NLGN4X: variants seen among roughly 807,000 people sequenced by gnomAD.
NLGN4X encodes the protein neuroligin 4 X-linked.
In NLGN4X, 3 loss-of-function variants were observed where a neutral mutation model predicts 40.3. That is an observed-to-expected ratio of 0.07 (90% CI 0.03 to 0.19). The LOEUF is 0.19. Among genes scored for constraint, NLGN4X ranks in the 10% least tolerant of loss-of-function variants. The probability of loss-of-function intolerance (pLI) is 1.00; values close to 1 mark genes in which losing one functional copy is unlikely to be tolerated. For missense variants in NLGN4X, 382 were observed against 708.3 expected (o/e 0.54, Z 5.23); for synonymous variants, 270 against 306.8 (o/e 0.88, Z 1.25).
chrX:6,210,218 C>A (rs938483702), intron 1 of NLGN4X, among the ~76,000 whole-genome samples: 1 of 101,972 alleles, frequency 9.8e-6, no homozygotes, highest in Non-Finnish European at 2.0e-5. Context: ...GCAGTTGATT[C>A]TTTGTGCGTG....
chrX:5,935,214 C>T (rs184717332), intron 3 of NLGN4X, among the ~76,000 whole-genome samples: 2 of 111,888 alleles, frequency 1.8e-5, no homozygotes, highest in Non-Finnish European at 3.8e-5. Flanking sequence ...TAATTTGCTA[C>T]ATGAAAAAAT....
intron 1 of NLGN4X, among the ~76,000 whole-genome samples, chrX:6,191,091 GTT>G (rs112462147): frequency 0.018 from 1,779 of 99,342 alleles, 36 homozygotes; most frequent in African/African-American, 0.058. Context: ...GTTTCAAATT[GTT>G]TTTTTTTTTT....
At chrX:5,925,007 T>TAA (rs369126390) in intron 3 of NLGN4X, among the ~76,000 whole-genome samples, 1 of 105,712 alleles carries the variant, frequency 9.5e-6, no homozygotes, top group African/African-American at 3.4e-5. Context: ...CCTATGAAAA[T>TAA]AAAAAAAAAA....
At chrX:6,228,359 G>C (rs781154888) in intron 1 of NLGN4X, among the ~76,000 whole-genome samples, 182 bp downstream of exon 1, 2 of 112,084 alleles carry the variant, frequency 1.8e-5, no homozygotes, top group African/African-American at 6.5e-5. Context: ...ATGGGAGAAA[G>C]TCCTGTCCAA....
intron 3 of NLGN4X, among the ~76,000 whole-genome samples, chrX:5,955,729 C>T (rs5916276): frequency 0.01 from 1,111 of 106,470 alleles, 13 homozygotes; most frequent in Middle Eastern, 0.029. Flanking sequence ...ATAGGAAACT[C>T]TCATTCTCCA....
intron 2 of NLGN4X, among the ~76,000 whole-genome samples, chrX:6,122,664 G>C (rs1466692989): frequency 1.8e-5 from 2 of 109,847 alleles, no homozygotes; most frequent in Non-Finnish European, 3.8e-5. Flanking sequence ...AAAAGAAAAG[G>C]AACATCCTAT....
At chrX:6,094,152 G>A (rs749618767) in intron 2 of NLGN4X, among the ~76,000 whole-genome samples, 1 of 111,076 alleles carries the variant, frequency 9.0e-6, no homozygotes, top group Non-Finnish European at 1.9e-5. Context: ...CTGAAATACT[G>A]TGTTTTAGAA....
chrX:6,035,648 T>C (rs1446498443), intron 2 of NLGN4X, among the ~76,000 whole-genome samples: 1 of 111,523 alleles, frequency 9.0e-6, no homozygotes, highest in Non-Finnish European at 1.9e-5. Flanking sequence ...ACCCTTATAA[T>C]TGACGCTTGA....
chrX:6,183,938 C>T (rs1274209159), intron 1 of NLGN4X, among the ~76,000 whole-genome samples: 2 of 111,888 alleles, frequency 1.8e-5, no homozygotes, highest in African/African-American at 6.5e-5. Context: ...TAAACTATAA[C>T]CTAATATTTC....
At chrX:5,996,485 C>T (rs759988077) in intron 3 of NLGN4X, among the ~76,000 whole-genome samples, 1 of 109,780 alleles carries the variant, frequency 9.1e-6, no homozygotes, top group South Asian at 3.7e-4. Flanking sequence ...GAACAGCCAG[C>T]CCCTTGAAGC....
intron 3 of NLGN4X, among the ~76,000 whole-genome samples, chrX:5,974,178 A>G (rs1182026512): frequency 1.8e-5 from 2 of 112,309 alleles, no homozygotes; most frequent in Non-Finnish European, 3.8e-5. Context: ...GGCATGGTCA[A>G]ATGGTGTCCC....
rs1340657365 is a variant in NLGN4X at position 5,909,180 on chromosome X, G to C, written c.685C>G (p.Gln229Glu). The change falls in exon 4 of 6, where the codon CAA becomes GAA. Residue 229 changes from glutamine (Q) to glutamate (E), a missense_variant. Coordinates refer to ENST00000381095, the MANE Select transcript of NLGN4X (RefSeq NM_181332.3). Reference sequence around the variant, plus strand: ...TTCTCCTCAATCCACCGCAGTGCTTGAATCTGATCCAGGAGCCCATAGTTG... The same window carrying C: ...TTCTCCTCAATCCACCGCAGTGCTTCAATCTGATCCAGGAGCCCATAGTTG... ...KGNYGLLDQI[Q>E]ALRWIEENVG... 8.3e-7 allele frequency: 1 copy of C among 1,211,784 alleles called. No homozygotes were observed. Among genetic ancestry groups the C allele is most frequent in the Non-Finnish European group, 1.1e-6 (1 of 895,546 alleles).
Position 5,991,592 on chromosome X carries a change from A to G in NLGN4X, c.625+37688T>C, listed in dbSNP as rs1052729868. 44 of 475,597 alleles carry G rather than the reference A, an allele frequency of 9.3e-5. No homozygotes were observed. The African/African-American group carries it at 9.5e-4, about 10-fold the overall frequency. 39.2% of individuals were successfully genotyped at this position (475,597 alleles called of 1,213,427 possible). On this transcript the variant is annotated intron_variant, in intron 3 of 5. Transcript: ENST00000381095. ...TGCCTAGAAAATCCACGAGGAAATA[A>G]GGCCCCTTTCTCAGCATGCAGTGTT...
intron 3 of NLGN4X, among the ~76,000 whole-genome samples, chrX:5,951,760 G>A (rs1310962851): frequency 1.8e-5 from 2 of 111,003 alleles, no homozygotes; most frequent in Non-Finnish European, 3.8e-5. Flanking sequence ...TTCCACTCAT[G>A]AGGCTCCACT....
intron 3 of NLGN4X, among the ~76,000 whole-genome samples, chrX:5,952,885 A>G (rs1294474780): frequency 8.9e-6 from 1 of 111,805 alleles, no homozygotes; most frequent in African/African-American, 3.3e-5. Context: ...CTCTGATATT[A>G]AACTGAAAAT....
intron 3 of NLGN4X, among the ~76,000 whole-genome samples, chrX:6,003,045 G>A (rs1363840483): frequency 9.0e-6 from 1 of 111,640 alleles, no homozygotes; most frequent in African/African-American, 3.3e-5. Context: ...ATTTGTTCGT[G>A]TGACCTGATT....
chrX:5,934,611 T>C (rs1442922905), intron 3 of NLGN4X, among the ~76,000 whole-genome samples: 2 of 111,868 alleles, frequency 1.8e-5, no homozygotes, highest in African/African-American at 6.5e-5. Context: ...ATTTCAGCCA[T>C]GGGAGACCCT....
At position 5,891,984 on chromosome X, in the gene NLGN4X, G is replaced by A. The variant is rs1200241883; in HGVS notation, c.*833C>T. The A allele has an allele frequency of 1.4e-5, 2 of 145,051 alleles. No individual in the cohort carries two copies. Among genetic ancestry groups the A allele is most frequent in the Non-Finnish European group, 2.6e-5 (2 of 76,912 alleles). The allele number at this position is 145,051 out of a possible 1,213,427, so 12.0% of individuals were successfully genotyped here. Reference sequence around the variant, plus strand: ...GTCTTTGTTTACCACAAGTAATTAAGAAGAAAAGCCTCTTTTGTTGGGGAG... The same window carrying A: ...GTCTTTGTTTACCACAAGTAATTAAAAAGAAAAGCCTCTTTTGTTGGGGAG... On this transcript the variant is annotated 3_prime_UTR_variant, in exon 6 of 6. Coordinates refer to ENST00000381095, the MANE Select transcript of NLGN4X (RefSeq NM_181332.3).
At chrX:6,128,961 C>T (rs757039551) in intron 2 of NLGN4X, among the ~76,000 whole-genome samples, 95 of 111,708 alleles carry the variant, frequency 8.5e-4, no homozygotes, top group Non-Finnish European at 1.4e-3. Flanking sequence ...ATATTTCAGG[C>T]ATTTATTTAA....
Sources: allele counts gnomAD v4.1 joint callset (sites outside exome capture counted in the v4.1 genomes callset), GRCh38; gene constraint gnomAD v4.1.1; transcripts MANE v1.5; gene names NCBI Gene and HGNC (gene_info 2026-07-23, HGNC 2026-07-21).